The following LRGUK variants were observed in gnomAD, a reference collection of about 807,000 sequenced individuals.
LRGUK encodes the protein leucine-rich repeat and guanylate kinase domain-containing protein.
In LRGUK, 65 loss-of-function variants were observed where a neutral mutation model predicts 76.0. That is an observed-to-expected ratio of 0.85 (90% CI 0.70 to 1.05). The LOEUF (loss-of-function observed/expected upper bound fraction) is 1.05. LRGUK is among the 50% of genes least tolerant of loss of function. The pLI, the probability that LRGUK is intolerant of heterozygous loss-of-function variation, is 0.00. For missense variants in LRGUK, 758 were observed against 732.8 expected (o/e 1.03, Z -0.40); for synonymous variants, 268 against 265.6 (o/e 1.01, Z -0.09).
At chr7:134,267,847 T>C (rs1032715898), downstream of LRGUK, among the ~76,000 whole-genome samples, 2 of 152,090 alleles carry the variant, frequency 1.3e-5, no homozygotes, top group African/African-American at 4.8e-5. Flanking sequence ...GGTGACGGGT[T>C]CACTAGAAGC....
intron 17 of LRGUK, 121 bp from the exon 18 acceptor site, chr7:134,248,830 A>G: frequency 1.4e-6 from 1 of 707,184 alleles, no homozygotes; most frequent in East Asian, 3.3e-5. Context: ...ATATTACATT[A>G]TTTCACATAG....
intron 11 of LRGUK, 47 bp from the exon 12 acceptor site, chr7:134,191,608 G>A (rs1460409377): frequency 2.4e-6 from 3 of 1,239,426 alleles, no homozygotes; most frequent in Non-Finnish European, 3.5e-6. Context: ...TTTCCATTTT[G>A]AATTTCAAGT....
chr7:134,177,591 T>C (rs1243322259), intron 9 of LRGUK, among the ~76,000 whole-genome samples: 1 of 152,222 alleles, frequency 6.6e-6, no homozygotes. Flanking sequence ...AGCACCTGCC[T>C]CCCTGCTTTT....
chr7:134,195,048 T>A (rs1045217717), intron 12 of LRGUK, among the ~76,000 whole-genome samples: 27 of 152,182 alleles, frequency 1.8e-4, no homozygotes, highest in African/African-American at 6.0e-4. Context: ...TGCTGATTGG[T>A]CAGAGATGAA....
chr7:134,212,320 G>A (rs1801305433), downstream of LRGUK, among the ~76,000 whole-genome samples: 1 of 152,208 alleles, frequency 6.6e-6, no homozygotes, highest in Non-Finnish European at 1.5e-5. Flanking sequence ...GACAACTCAA[G>A]ATGTGACTCT....
At chr7:134,260,154 T>G (rs980654678) in intron 19 of LRGUK, among the ~76,000 whole-genome samples, 1 of 152,042 alleles carries the variant, frequency 6.6e-6, no homozygotes, top group African/African-American at 2.4e-5. Context: ...TAACATAATA[T>G]CTGTCGTATA....
chr7:134,239,521 G>A (rs1390694300), intron 16 of LRGUK, among the ~76,000 whole-genome samples: 4 of 152,234 alleles, frequency 2.6e-5, no homozygotes, highest in Non-Finnish European at 5.9e-5. Flanking sequence ...CGCCATTGCT[G>A]AGGCTTGAGT....
chr7:134,181,741 A>G (rs1361653012), intron 10 of LRGUK, among the ~76,000 whole-genome samples: 2 of 152,214 alleles, frequency 1.3e-5, no homozygotes, highest in Admixed American at 6.5e-5. Flanking sequence ...GAGAAATTCC[A>G]TATACCAGTC....
chr7:134,266,045 C>T (rs1385323932), downstream of LRGUK, among the ~76,000 whole-genome samples: 1 of 152,172 alleles, frequency 6.6e-6, no homozygotes, highest in East Asian at 1.9e-4. Context: ...TGCCCTCTTT[C>T]CCACCCTGGG....
chr7:134,144,230 C>G (rs1797882311), intron 4 of LRGUK, among the ~76,000 whole-genome samples: 1 of 152,202 alleles, frequency 6.6e-6, no homozygotes, highest in Non-Finnish European at 1.5e-5. Flanking sequence ...CCTCCGACTC[C>G]TGGGCTCAAG....
chr7:134,201,245 C>G (rs1475548393), intron 14 of LRGUK, among the ~76,000 whole-genome samples: 7 of 152,176 alleles, frequency 4.6e-5, no homozygotes, highest in African/African-American at 1.7e-4. Flanking sequence ...ATCCCTTTTG[C>G]TGAATGTCAC....
At chr7:134,235,408 T>A (rs1801990244) in intron 16 of LRGUK, among the ~76,000 whole-genome samples, 1 of 152,144 alleles carries the variant, frequency 6.6e-6, no homozygotes, top group Admixed American at 6.5e-5. Context: ...TGACTCCCTT[T>A]CCTCCTTCAA....
intron 16 of LRGUK, among the ~76,000 whole-genome samples, chr7:134,229,322 C>A (rs1801834462): frequency 6.6e-6 from 1 of 151,566 alleles, no homozygotes; most frequent in East Asian, 1.9e-4. Context: ...GAGATCGCGC[C>A]ACTGCGCTCC....
downstream of LRGUK, among the ~76,000 whole-genome samples, chr7:134,212,987 A>G (rs1449116176): frequency 6.6e-6 from 1 of 152,206 alleles, no homozygotes; most frequent in Non-Finnish European, 1.5e-5. Flanking sequence ...GGATCAGGAA[A>G]CACTCCTAAG....
chr7:134,271,214 GTTAA>G, the LRGUK span, among the ~76,000 whole-genome samples: 1 of 151,662 alleles, frequency 6.6e-6, no homozygotes, highest in East Asian at 1.9e-4. Context: ...ATAATTTTTT[GTTAA>G]TTAAGCATAT....
the LRGUK span, among the ~76,000 whole-genome samples, chr7:134,271,080 T>C: frequency 6.6e-6 from 1 of 152,054 alleles, no homozygotes; most frequent in East Asian, 1.9e-4. Context: ...TTGAACCTTT[T>C]AAATAAGCTT....
At chr7:134,256,625 A>G (rs1802591507) in intron 18 of LRGUK, among the ~76,000 whole-genome samples, 1 of 152,114 alleles carries the variant, frequency 6.6e-6, no homozygotes, top group Non-Finnish European at 1.5e-5. Flanking sequence ...CAGATGTCAC[A>G]ACGGTCCCTC....
chr7:134,172,075 A>C (rs1417363398), intron 7 of LRGUK, among the ~76,000 whole-genome samples: 1 of 152,170 alleles, frequency 6.6e-6, no homozygotes, highest in Non-Finnish European at 1.5e-5. Context: ...ATCTTGTGGT[A>C]ATATAATTTT....
downstream of LRGUK, among the ~76,000 whole-genome samples, chr7:134,214,744 AT>A (rs747229352): frequency 4.0e-5 from 6 of 150,682 alleles, no homozygotes; most frequent in Non-Finnish European, 8.8e-5. Flanking sequence ...ACCTATGTTT[AT>A]TCAGAAAAAG....
Sources: allele counts gnomAD v4.1 joint callset (sites outside exome capture counted in the v4.1 genomes callset), GRCh38; gene constraint gnomAD v4.1.1; transcripts MANE v1.5; gene names NCBI Gene and HGNC (gene_info 2026-07-23, HGNC 2026-07-21).